Variants in NKAIN2 observed in about 807,000 individuals in gnomAD.
NKAIN2 encodes the protein sodium/potassium-transporting ATPase subunit beta-1-interacting protein 2.
A neutral mutation model predicts 32.6 loss-of-function variants in NKAIN2; 14 were observed. That is an observed-to-expected ratio of 0.43 (90% CI 0.28 to 0.67). The LOEUF (loss-of-function observed/expected upper bound fraction) is 0.67. Ranked by LOEUF, NKAIN2 falls within the 30% of genes least tolerant of loss-of-function variation. NKAIN2 has a pLI of 0.17. For missense variants in NKAIN2, 198 were observed against 258.3 expected (o/e 0.77, Z 1.60); for synonymous variants, 80 against 87.2 (o/e 0.92, Z 0.46).
intron 1 of NKAIN2, among the ~76,000 whole-genome samples, chr6:124,272,170 G>A (rs145150843): frequency 2.7e-3 from 414 of 152,274 alleles, no homozygotes; most frequent in African/African-American, 8.1e-3. Flanking sequence ...AGTGTTAATC[G>A]CTAAGACAAT....
chr6:124,041,928 A>G (rs914196136), intron 1 of NKAIN2, among the ~76,000 whole-genome samples: 12 of 152,108 alleles, frequency 7.9e-5, no homozygotes, highest in African/African-American at 2.7e-4. Flanking sequence ...TGCTTAAATC[A>G]TTTGCAAGAA....
intron 4 of NKAIN2, among the ~76,000 whole-genome samples, chr6:124,783,387 T>G (rs184101126): frequency 2.0e-5 from 3 of 152,330 alleles, no homozygotes; most frequent in Admixed American, 1.3e-4. Flanking sequence ...TGTCTAGTTT[T>G]ATTTAATCTT....
intron 1 of NKAIN2, among the ~76,000 whole-genome samples, chr6:124,133,868 A>C (rs1019392546): frequency 4.6e-5 from 7 of 152,150 alleles, no homozygotes; most frequent in African/African-American, 1.4e-4. Flanking sequence ...TAAATTAAAA[A>C]AAATACAGTC....
chr6:123,853,737 C>A (rs1775445606), intron 1 of NKAIN2, among the ~76,000 whole-genome samples: 1 of 150,808 alleles, frequency 6.6e-6, no homozygotes, highest in Non-Finnish European at 1.5e-5. Flanking sequence ...TATTTATCTG[C>A]AGTTTACATT....
chr6:123,931,917 T>C (rs235698), intron 1 of NKAIN2, among the ~76,000 whole-genome samples: 114,155 of 152,018 alleles, frequency 0.75, 43,287 homozygotes, highest in East Asian at 0.91. Context: ...CTCTCTAGTT[T>C]GACAATATCT....
chr6:124,059,041 ACC>A (rs1229009242), intron 1 of NKAIN2, among the ~76,000 whole-genome samples: 2 of 152,034 alleles, frequency 1.3e-5, no homozygotes, highest in Non-Finnish European at 2.9e-5. Context: ...AGGTTTGATC[ACC>A]CTCCATATAT....
chr6:124,743,683 A>G lies in NKAIN2; in HGVS notation c.475-47656A>G, dbSNP rs147616906. Among the ~76,000 whole-genome samples, 913 of 152,002 alleles carry G rather than the reference A, an allele frequency of 6.0e-3. 13 individuals are homozygous for G. Among genetic ancestry groups the G allele is most frequent in the African/African-American group, 0.021 (874 of 41,532 alleles). ...TTCCTGTTTCTCTCCTATAAATTCC[A>G]TGACCTTTATAGGTGTGTTGAAATT... On this transcript the variant is annotated intron_variant, in intron 4 of 6. Coordinates refer to ENST00000368417, the MANE Select transcript of NKAIN2 (RefSeq NM_001040214.3).
At chr6:124,813,392 G>A (rs1781004103) in intron 5 of NKAIN2, among the ~76,000 whole-genome samples, 1 of 152,050 alleles carries the variant, frequency 6.6e-6, no homozygotes, top group Non-Finnish European at 1.5e-5. Context: ...AGATGCTGGA[G>A]AACAAATAAC....
intron 4 of NKAIN2, among the ~76,000 whole-genome samples, chr6:124,688,823 A>C (rs1396638898): frequency 1.3e-5 from 2 of 152,046 alleles, no homozygotes; most frequent in East Asian, 3.9e-4. Flanking sequence ...TCTTTGTATC[A>C]CTGAACAATA....
intron 1 of NKAIN2, among the ~76,000 whole-genome samples, chr6:124,280,415 T>C (rs958169466): frequency 2.6e-5 from 4 of 152,064 alleles, no homozygotes; most frequent in Non-Finnish European, 5.9e-5. Flanking sequence ...GTGGAGTAAA[T>C]AGAAAAGGTA....
At chr6:124,462,423 A>G (rs772387326) in intron 3 of NKAIN2, among the ~76,000 whole-genome samples, 5 of 152,008 alleles carry the variant, frequency 3.3e-5, no homozygotes, top group Non-Finnish European at 5.9e-5. Context: ...ATTTGAGAAT[A>G]TAAACCTCTC....
Position 124,771,462 on chromosome 6 carries a change from T to C in NKAIN2, c.475-19877T>C, listed in dbSNP as rs541031450. Among the ~76,000 whole-genome samples the C allele has an allele frequency of 2.3e-3, 354 of 152,284 alleles. 3 individuals are homozygous for C. The highest frequency in any genetic ancestry group is 8.2e-3 in the African/African-American group (340 of 41,564). ...AAAATAGGAGATTGAGTGAATTTTG[T>C]TGTATCAATATAAGGAAATATATGT... On this transcript the variant is annotated intron_variant, in intron 4 of 6. Coordinates refer to ENST00000368417, the MANE Select transcript of NKAIN2 (RefSeq NM_001040214.3).
At chr6:124,619,514 TGAAGAA>T (rs1783031037) in intron 3 of NKAIN2, among the ~76,000 whole-genome samples, 2 of 152,110 alleles carry the variant, frequency 1.3e-5, no homozygotes, top group South Asian at 4.1e-4. Context: ...TCATTTCACT[TGAAGAA>T]AAAACAAAAG....
chr6:123,923,561 A>G (rs1486152373), intron 1 of NKAIN2, among the ~76,000 whole-genome samples: 2 of 151,744 alleles, frequency 1.3e-5, no homozygotes, highest in African/African-American at 4.8e-5. Context: ...ACAATGATAG[A>G]CTGGATTAAG....
At chr6:124,229,625 G>A (rs1330359401) in intron 1 of NKAIN2, among the ~76,000 whole-genome samples, 1 of 152,098 alleles carries the variant, frequency 6.6e-6, no homozygotes, top group Non-Finnish European at 1.5e-5. Context: ...ATTCCCATAT[G>A]TTGTGGCAGG....
chr6:124,201,636 G>C (rs1017219347), intron 1 of NKAIN2, among the ~76,000 whole-genome samples: 14 of 151,866 alleles, frequency 9.2e-5, no homozygotes, highest in African/African-American at 3.4e-4. Context: ...AATTACTCTC[G>C]TAATTAAAAC....
Position 124,125,955 on chromosome 6 carries a change from G to A in NKAIN2, c.55-157050G>A, listed in dbSNP as rs558582740. The stretch of plus-strand genomic sequence containing the variant: ...TCCCCTAGAGTTCTTGAAGTGTTTC[G>A]CTCTTGGCTCATCATCACCCTCTTC... On this transcript the variant is annotated intron_variant, in intron 1 of 6. Transcript: ENST00000368417. Among the ~76,000 whole-genome samples the A allele has an allele frequency of 9.3e-4, 141 of 151,960 alleles. 1 individual carries two copies. The South Asian group carries it at 0.028, about 31-fold the overall frequency.
intron 2 of NKAIN2, among the ~76,000 whole-genome samples, chr6:124,341,885 C>T (rs1798129280): frequency 6.6e-6 from 1 of 152,060 alleles, no homozygotes; most frequent in Non-Finnish European, 1.5e-5. Flanking sequence ...TGCCATTGGT[C>T]CTAAAGGAAA....
At chr6:124,623,567 C>A (rs527388534) in intron 3 of NKAIN2, among the ~76,000 whole-genome samples, 1 of 152,064 alleles carries the variant, frequency 6.6e-6, no homozygotes, top group East Asian at 1.9e-4. Flanking sequence ...TTTGAAGATG[C>A]AAGCATAGTA....
Sources: allele counts gnomAD v4.1 joint callset (sites outside exome capture counted in the v4.1 genomes callset), GRCh38; gene constraint gnomAD v4.1.1; transcripts MANE v1.5; gene names NCBI Gene and HGNC (gene_info 2026-07-23, HGNC 2026-07-21).